BLVRA: variants seen among roughly 807,000 people sequenced by gnomAD.
The protein encoded by BLVRA is biliverdin reductase A.
Under a neutral mutation model 32.8 loss-of-function variants are expected in BLVRA, and 22 were observed. That is an observed-to-expected ratio of 0.67 (90% confidence interval 0.48 to 0.96). The LOEUF is 0.96. Ranked by LOEUF, BLVRA falls within the 40% of genes least tolerant of loss-of-function variation. The probability of loss-of-function intolerance (pLI) is 0.00; values close to 1 mark genes in which losing one functional copy is unlikely to be tolerated. For missense variants in BLVRA, 323 were observed against 358.1 expected (o/e 0.90, Z 0.79); for synonymous variants, 119 against 141.3 (o/e 0.84, Z 1.12).
upstream of BLVRA, chr7:43,758,597 C>G (rs1483574664): frequency 6.4e-6 from 1 of 155,896 alleles, no homozygotes; most frequent in East Asian, 1.8e-4. Context: ...CCACCGCCTC[C>G]GGTCCCCTCC....
At chr7:43,777,414 C>G (rs1227531655) in intron 2 of BLVRA, among the ~76,000 whole-genome samples, 5 of 150,162 alleles carry the variant, frequency 3.3e-5, no homozygotes, top group African/African-American at 1.2e-4. Flanking sequence ...CTTAGTTTGG[C>G]TGGATATGAA....
At position 43,780,312 on chromosome 7, in the gene BLVRA, C is replaced by G. The variant is rs2095767466; in HGVS notation, c.13-7592C>G. ...CGCTCCAGTCCCCTCACTCTGTTCC[C>G]ACAAGCCAGCAGCCAGTGACCAAGG... On this transcript the variant is annotated intron_variant, in intron 2 of 7. Coordinates refer to ENST00000265523, the MANE Select transcript of BLVRA (RefSeq NM_000712.4). Among the ~76,000 whole-genome samples, 3 of 152,332 alleles carry G rather than the reference C, an allele frequency of 2.0e-5. No individual in the cohort carries two copies. In the South Asian group the frequency reaches 6.2e-4, roughly 32 times the overall value.
intron 6 of BLVRA, among the ~76,000 whole-genome samples, chr7:43,800,793 T>C (rs2095797804): frequency 6.6e-6 from 1 of 152,152 alleles, no homozygotes; most frequent in Non-Finnish European, 1.5e-5. Context: ...ACCTATTAAC[T>C]AGTTGGAGAT....
chr7:43,766,870 G>A (rs766647036), intron 1 of BLVRA, among the ~76,000 whole-genome samples: 1 of 152,202 alleles, frequency 6.6e-6, no homozygotes, highest in Non-Finnish European at 1.5e-5. Context: ...AGTGGCTCAT[G>A]CCTGCAGTCT....
At chr7:43,762,248 G>T (rs1298633705) in intron 1 of BLVRA, among the ~76,000 whole-genome samples, 1 of 151,956 alleles carries the variant, frequency 6.6e-6, no homozygotes, top group Non-Finnish European at 1.5e-5. Flanking sequence ...GGGTAGGAAG[G>T]TGTCCTGTGC....
intron 1 of BLVRA, among the ~76,000 whole-genome samples, chr7:43,759,071 C>A (rs565621036): frequency 1.3e-5 from 2 of 152,366 alleles, no homozygotes; most frequent in East Asian, 3.9e-4. Context: ...TCGGCGTCCG[C>A]GTGCCGCGTA....
intron 5 of BLVRA, among the ~76,000 whole-genome samples, chr7:43,795,711 A>G (rs960497731): frequency 1.4e-4 from 22 of 152,286 alleles, no homozygotes; most frequent in African/African-American, 4.8e-4. Flanking sequence ...AGATTAGAAC[A>G]TAAATAAAAT....
intron 2 of BLVRA, among the ~76,000 whole-genome samples, chr7:43,778,148 A>G (rs1014503706): frequency 3.9e-5 from 6 of 152,316 alleles, no homozygotes; most frequent in African/African-American, 1.4e-4. Context: ...CAACTCATCA[A>G]AGCCATTCTC....
At chr7:43,769,801 G>T (rs1260416369) in intron 1 of BLVRA, among the ~76,000 whole-genome samples, 1 of 152,086 alleles carries the variant, frequency 6.6e-6, no homozygotes, top group Non-Finnish European at 1.5e-5. Context: ...TAGAGACGGG[G>T]TTTCGCCATG....
At chr7:43,779,721 A>C (rs2095766511) in intron 2 of BLVRA, among the ~76,000 whole-genome samples, 1 of 152,184 alleles carries the variant, frequency 6.6e-6, no homozygotes. Flanking sequence ...TTGCATTAAT[A>C]TTAAGCTTAT....
intron 2 of BLVRA, among the ~76,000 whole-genome samples, chr7:43,778,814 G>A (rs1585722069): frequency 1.3e-5 from 2 of 152,224 alleles, no homozygotes; most frequent in Admixed American, 1.3e-4. Context: ...CACCCAGTTC[G>A]AGCTTCCCGG....
At chr7:43,775,517 T>G (rs909693136) in intron 2 of BLVRA, among the ~76,000 whole-genome samples, 1 of 152,120 alleles carries the variant, frequency 6.6e-6, no homozygotes, top group African/African-American at 2.4e-5. Flanking sequence ...ATAAGCTTTT[T>G]GATGTGCTGC....
chr7:43,772,276 G>A (rs550156076), intron 2 of BLVRA, among the ~76,000 whole-genome samples: 2 of 152,206 alleles, frequency 1.3e-5, no homozygotes, highest in African/African-American at 4.8e-5. Context: ...TGGCAGTTGG[G>A]GCCACATATG....
At chr7:43,765,614 C>T (rs990713034) in intron 1 of BLVRA, among the ~76,000 whole-genome samples, 32 of 152,098 alleles carry the variant, frequency 2.1e-4, no homozygotes, top group African/African-American at 7.5e-4. Flanking sequence ...GATGGGAAGG[C>T]TTATTAATTC....
chr7:43,770,016 T>C (rs972358995), intron 1 of BLVRA, among the ~76,000 whole-genome samples: 1 of 151,926 alleles, frequency 6.6e-6, no homozygotes, highest in Non-Finnish European at 1.5e-5. Flanking sequence ...GGAATGGGGG[T>C]GGTTATTTCA....
chr7:43,777,660 T>G (rs983136674), intron 2 of BLVRA, among the ~76,000 whole-genome samples: 2 of 152,196 alleles, frequency 1.3e-5, no homozygotes, highest in African/African-American at 4.8e-5. Context: ...TGTGGTGTTC[T>G]CTGTATTTCC....
chr7:43,789,085 A>G (rs957448697), intron 3 of BLVRA, among the ~76,000 whole-genome samples: 1 of 152,088 alleles, frequency 6.6e-6, no homozygotes, highest in African/African-American at 2.4e-5. Flanking sequence ...CCTGTATAAC[A>G]TCATTTGTCA....
At chr7:43,775,308 T>C (rs1476908220) in intron 2 of BLVRA, among the ~76,000 whole-genome samples, 3 of 152,164 alleles carry the variant, frequency 2.0e-5, no homozygotes, top group South Asian at 2.1e-4. Context: ...TTTTGAGATA[T>C]GTCCCATCAA....
At chr7:43,783,242 C>G (rs1328959493) in intron 2 of BLVRA, among the ~76,000 whole-genome samples, 2 of 152,140 alleles carry the variant, frequency 1.3e-5, no homozygotes, top group African/African-American at 2.4e-5. Context: ...TCCCTGTTTC[C>G]CAGCCACTCT....
Sources: gnomAD v4.1 joint callset for allele counts (sites outside exome capture counted in the v4.1 genomes callset) on GRCh38, gnomAD v4.1.1 for gene constraint, MANE v1.5 for transcripts, NCBI Gene and HGNC (gene_info 2026-07-23, HGNC 2026-07-21) for gene names.